The following STARD9 variants were observed in gnomAD, a reference collection of about 807,000 sequenced individuals.
STARD9 encodes the protein stAR-related lipid transfer protein 9.
A neutral mutation model predicts 399.8 loss-of-function variants in STARD9; 346 were observed. The observed-to-expected ratio is 0.87, with a 90% confidence interval of 0.79 to 0.95. The LOEUF is 0.95. Ranked by LOEUF, STARD9 falls within the 40% of genes least tolerant of loss-of-function variation. The probability of loss-of-function intolerance (pLI) is 0.00; values close to 1 mark genes in which losing one functional copy is unlikely to be tolerated. For missense variants in STARD9, 5,832 were observed against 5,667.5 expected (o/e 1.03, Z -0.93); for synonymous variants, 2,203 against 2,143.5 (o/e 1.03, Z -0.77).
chr15:42,716,840 G>C (rs1479804431), intron 27 of STARD9, 76 bp downstream of exon 27: 7 of 1,525,404 alleles, frequency 4.6e-6, no homozygotes, highest in Non-Finnish European at 6.2e-6. Context: ...CTAGATCTTA[G>C]TGAGTCACTG....
chr15:42,702,006 A>C (rs1258051230), intron 26 of STARD9, among the ~76,000 whole-genome samples: 3 of 148,904 alleles, frequency 2.0e-5, no homozygotes, highest in African/African-American at 7.6e-5. Flanking sequence ...AAAAAAAAAA[A>C]AAAAAAAAAA....
intron 3 of STARD9, among the ~76,000 whole-genome samples, chr15:42,625,409 C>A (rs1429246182): frequency 2.6e-5 from 4 of 151,916 alleles, no homozygotes; most frequent in African/African-American, 9.7e-5. Flanking sequence ...CGGCTCACTG[C>A]AACCTCTGCC....
At chr15:42,647,020 G>A (rs568463666) in intron 7 of STARD9, among the ~76,000 whole-genome samples, 6 of 152,232 alleles carry the variant, frequency 3.9e-5, no homozygotes, top group African/African-American at 9.6e-5. Flanking sequence ...AATTAAGTTC[G>A]CTTTTCTATA....
At chr15:42,621,971 A>C (rs956508391) in intron 3 of STARD9, among the ~76,000 whole-genome samples, 1 of 152,160 alleles carries the variant, frequency 6.6e-6, no homozygotes. Context: ...ACATTTATCT[A>C]TTTCTTTTTC....
rs543902152 is a variant in STARD9, at chr15:42,693,258, G to A, written c.11680G>A (p.Val3894Met). 17 of 1,536,870 alleles carry A rather than the reference G, an allele frequency of 1.1e-5. No homozygotes were observed. Among genetic ancestry groups the A allele is most frequent in the East Asian group, 2.4e-5 (1 of 40,912 alleles). The change falls in exon 23 of 33, where the codon GTG becomes ATG. Residue 3894 changes from valine to methionine, a missense_variant. Val to Met is a conservative substitution (Grantham distance 21). Coordinates refer to ENST00000290607, the MANE Select transcript of STARD9 (RefSeq NM_020759.3). ...GCTGGGCCCCACAAGTGCTTTGTTC[G>A]TGGACAGGGCCTCCTCCCCAATCCT... ...KKLGPTSALF[V>M]DRASSPILTL...
intron 3 of STARD9, among the ~76,000 whole-genome samples, chr15:42,611,643 A>G (rs1325069086): frequency 6.6e-6 from 1 of 152,188 alleles, no homozygotes. Flanking sequence ...GACTGCTAAC[A>G]TGTCCACTTC....
chr15:42,640,210 G>T (rs1253037230), intron 7 of STARD9, among the ~76,000 whole-genome samples: 1 of 152,174 alleles, frequency 6.6e-6, no homozygotes, highest in African/African-American at 2.4e-5. Flanking sequence ...GAGCCAGCGT[G>T]CTTGGCTGTA....
chr15:42,684,494 C>T lies in STARD9; in HGVS notation c.2916C>T (p.Thr972=). Residue 972 remains threonine (T), a synonymous_variant, in exon 23 of 33, where the codon ACC becomes ACT. Transcript: ENST00000290607. ...RHEPKIFTST[T]QTRGAKGLAD... is the part of the protein sequence containing the mutation. ...AGCCAAAGATCTTCACCTCTACTAC[C>T]CAGACCAGAGGGGCGAAGGGACTAG... 1 of 1,537,196 alleles carries T rather than the reference C, an allele frequency of 6.5e-7. No individual in the cohort carries two copies. The highest frequency in any genetic ancestry group is 1.2e-5 in the South Asian group (1 of 84,050).
intron 17 of STARD9, 52 bp downstream of exon 17, chr15:42,674,543 G>A (rs1429046400): frequency 2.9e-5 from 43 of 1,485,946 alleles, no homozygotes; most frequent in East Asian, 7.4e-5. Flanking sequence ...ATTTGTGCCC[G>A]AAAGGTTTCT....
At chr15:42,583,046 G>C (rs2058206199) in intron 1 of STARD9, among the ~76,000 whole-genome samples, 1 of 152,192 alleles carries the variant, frequency 6.6e-6, no homozygotes, top group African/African-American at 2.4e-5. Flanking sequence ...TATGTCAGGA[G>C]GATACGTAGG....
At chr15:42,575,873 A>C in intron 1 of STARD9, 111 bp downstream of exon 1, 1 of 1,225,582 alleles carries the variant, frequency 8.2e-7, no homozygotes, top group Non-Finnish European at 1.2e-6. Flanking sequence ...TGACAAAGTG[A>C]CCCGGGGGGT....
chr15:42,616,631 C>T (rs2058967665), intron 3 of STARD9, among the ~76,000 whole-genome samples: 1 of 152,114 alleles, frequency 6.6e-6, no homozygotes, highest in South Asian at 2.1e-4. Flanking sequence ...GTGGCCCATA[C>T]CTGTAATCCC....
chr15:42,663,269 TCA>T lies in STARD9; in HGVS notation c.869-11_869-10del. ...TCCTTCTTTCTTCCATTTTCTTTTT[TCA>T]TCTTTTAAGCCCAGAACTCCCAAGT... On this transcript the variant is annotated splice_polypyrimidine_tract_variant and intron_variant, in intron 11 of 32. Coordinates refer to ENST00000290607, the MANE Select transcript of STARD9 (RefSeq NM_020759.3). The T allele has an allele frequency of 6.6e-7, 1 of 1,515,798 alleles. No individual in the cohort carries two copies. The highest frequency in any genetic ancestry group is 2.1e-5 in the Admixed American group (1 of 46,946). The allele number at this position is 1,515,798 out of a possible 1,614,324, so 93.9% of individuals were successfully genotyped here. A position where few individuals can be genotyped will look rare whatever the true frequency, so the allele number is the denominator to read the frequency against.
At chr15:42,652,965 A>G (rs543672338) in intron 9 of STARD9, among the ~76,000 whole-genome samples, 7 of 152,182 alleles carry the variant, frequency 4.6e-5, no homozygotes, top group Non-Finnish European at 8.8e-5. Flanking sequence ...GATGGGAGCC[A>G]TCGTTCCCGG....
chr15:42,699,559 A>T (rs1325995052), intron 26 of STARD9, among the ~76,000 whole-genome samples: 1 of 150,828 alleles, frequency 6.6e-6, no homozygotes, highest in East Asian at 1.9e-4. Flanking sequence ...ACGCCCAGCT[A>T]ATTTTTTGTG....
chr15:42,633,786 G>C (rs2141911298), intron 3 of STARD9, among the ~76,000 whole-genome samples: 2 of 151,958 alleles, frequency 1.3e-5, no homozygotes, highest in South Asian at 4.2e-4. Flanking sequence ...GGGATTATAG[G>C]TGCCCGCCAC....
At chr15:42,579,799 AC>A (rs1169365639) in intron 1 of STARD9, among the ~76,000 whole-genome samples, 1 of 152,150 alleles carries the variant, frequency 6.6e-6, no homozygotes, top group East Asian at 1.9e-4. Context: ...AACAACTATC[AC>A]AATGCTCACT....
At chr15:42,632,915 C>T (rs778250138) in intron 3 of STARD9, among the ~76,000 whole-genome samples, 11 of 151,960 alleles carry the variant, frequency 7.2e-5, no homozygotes, top group South Asian at 2.1e-4. Context: ...GGCTGAAGTA[C>T]GTGGATCACT....
At chr15:42,581,284 G>A (rs1320784158) in intron 1 of STARD9, 1 of 1,056,324 alleles carries the variant, frequency 9.5e-7, no homozygotes, top group Non-Finnish European at 1.5e-6. Flanking sequence ...GGTGGGGTCT[G>A]AGCCATGGAA....
Sources: allele counts gnomAD v4.1 joint callset (sites outside exome capture counted in the v4.1 genomes callset), GRCh38; gene constraint gnomAD v4.1.1; transcripts MANE v1.5; gene names NCBI Gene and HGNC (gene_info 2026-07-23, HGNC 2026-07-21).